Variants in RBM26 observed in about 807,000 individuals in gnomAD.
RBM26 encodes the protein RNA-binding protein 26.
In RBM26, 30 loss-of-function variants were observed where a neutral mutation model predicts 123.6. The ratio of observed to expected loss-of-function variants is 0.24; its 90% CI spans 0.18 to 0.33. The LOEUF (loss-of-function observed/expected upper bound fraction) is 0.33, where lower values mean the gene tolerates loss of function less well. Ranked by LOEUF, RBM26 falls within the 10% of genes least tolerant of loss-of-function variation. RBM26 has a pLI of 1.00. For synonymous variants in RBM26, 400 were observed against 404.4 expected, an observed-to-expected ratio of 0.99 and a Z score of 0.13; for missense variants, 947 against 1,203.6, an observed-to-expected ratio of 0.79 and a Z score of 3.15.
chr13:79,361,067 T>A (rs2074619709), intron 9 of RBM26, among the ~76,000 whole-genome samples: 1 of 152,162 alleles, frequency 6.6e-6, no homozygotes, highest in African/African-American at 2.4e-5. Context: ...ATTTTCAACT[T>A]CTTTGTTCTC....
intron 1 of RBM26, 65 bp downstream of exon 1, chr13:79,405,639 C>G (rs1254074814): frequency 4.1e-6 from 5 of 1,212,182 alleles, no homozygotes; most frequent in Non-Finnish European, 5.9e-6. Context: ...GGAAACTGCA[C>G]AGATCTCTGG....
At chr13:79,367,481 G>A (rs1449899218) in intron 6 of RBM26, among the ~76,000 whole-genome samples, 2 of 150,046 alleles carry the variant, frequency 1.3e-5, no homozygotes, top group African/African-American at 2.4e-5. Context: ...TGTTGGAGGT[G>A]GGGCCTGGTA....
intron 1 of RBM26, among the ~76,000 whole-genome samples, chr13:79,379,371 CAAAAAAAAAA>C (rs1160901778): frequency 2.4e-4 from 19 of 79,442 alleles, no homozygotes; most frequent in African/African-American, 6.0e-4. Flanking sequence ...CAGTCTCTAC[CAAAAAAAAAA>C]AAAAAAAAAA....
chr13:79,369,608 T>C (rs1359254219), intron 5 of RBM26, among the ~76,000 whole-genome samples: 3 of 152,102 alleles, frequency 2.0e-5, no homozygotes, highest in Non-Finnish European at 2.9e-5. Context: ...AGGCCATAAA[T>C]AGTATTAAGA....
rs2079494704 is a variant in RBM26 at position 79,405,939 on chromosome 13, G to C, written c.-165C>G. The stretch of plus-strand genomic sequence containing the variant: ...CCCCGGTCGGCGAACAGCTCTGCAA[G>C]GACCGCCGCAGGCCACAAGTGCACG... On this transcript the variant is annotated 5_prime_UTR_variant, in exon 1 of 22. Transcript: ENST00000438737. 1 of 345,160 alleles carries C rather than the reference G, an allele frequency of 2.9e-6. No individual in the cohort carries two copies. Among genetic ancestry groups the C allele is most frequent in the African/African-American group, 2.2e-5 (1 of 46,266 alleles). The allele number at this position is 345,160 out of a possible 1,614,324, so 21.4% of individuals were successfully genotyped here.
At chr13:79,399,650 G>A (rs2078895866) in intron 1 of RBM26, among the ~76,000 whole-genome samples, 1 of 152,116 alleles carries the variant, frequency 6.6e-6, no homozygotes, top group Non-Finnish European at 1.5e-5. Context: ...AAACAAGGCT[G>A]GGCATCCATG....
rs1452806298 is a variant in RBM26, at chr13:79,366,991, T to C, written c.896-119A>G. 3.6e-6 allele frequency: 3 copies of C among 822,208 alleles called. No homozygotes were observed. In the East Asian group the frequency reaches 8.6e-5, roughly 24 times the overall value. 50.9% of individuals were successfully genotyped at this position (822,208 alleles called of 1,614,324 possible). On this transcript the variant is annotated intron_variant, in intron 6 of 21. Coordinates refer to ENST00000438737, the MANE Select transcript of RBM26 (RefSeq NM_001366735.2). ...ATATTTTTAATATTGGACAAAAGTA[T>C]AATTAACCATTTCCCAAGAGCTACC...
intron 1 of RBM26, among the ~76,000 whole-genome samples, chr13:79,397,428 T>C (rs1456780639): frequency 2.6e-5 from 4 of 151,094 alleles, no homozygotes; most frequent in Non-Finnish European, 5.9e-5. Context: ...GAAATGAAGG[T>C]ATATTGGGAG....
At chr13:79,403,061 G>A (rs1463242375) in intron 1 of RBM26, among the ~76,000 whole-genome samples, 1 of 151,028 alleles carries the variant, frequency 6.6e-6, no homozygotes, top group Non-Finnish European at 1.5e-5. Flanking sequence ...CTCTCAAACA[G>A]AGGTCGTTTG....
intron 1 of RBM26, among the ~76,000 whole-genome samples, chr13:79,394,876 C>T (rs894217968): frequency 1.3e-5 from 2 of 152,188 alleles, no homozygotes; most frequent in African/African-American, 2.4e-5. Flanking sequence ...TCAGGTGATC[C>T]GTCCACCTTG....
chr13:79,322,446 G>A lies in RBM26; in HGVS notation c.2837C>T (p.Ala946Val). ...AEAEAAAVHG[A>V]RFKGQDLKLA... ...TTTTAGATCTTGCCCTTTGAAACGAGCTCCATGAACTGCAGCCTAAAATGA... is the reference window on the plus strand; with the variant it reads ...TTTTAGATCTTGCCCTTTGAAACGAACTCCATGAACTGCAGCCTAAAATGA... Residue 946 changes from alanine (A) to valine (V), a missense_variant, in exon 21 of 22, where the codon GCT (alanine) becomes GTT (valine). Ala to Val is a moderately conservative substitution (Grantham distance 64). Transcript: ENST00000438737. 1 of 1,567,550 alleles carries A rather than the reference G, an allele frequency of 6.4e-7. No homozygotes were observed. Among genetic ancestry groups the A allele is most frequent in the Non-Finnish European group, 8.6e-7 (1 of 1,162,316 alleles).
chr13:79,405,551 G>A, intron 1 of RBM26, 153 bp downstream of exon 1: 1 of 435,570 alleles, frequency 2.3e-6, no homozygotes, highest in Non-Finnish European at 4.0e-6. Flanking sequence ...GAATCTGGAA[G>A]CGAGGTGGAC....
chr13:79,366,880 G>A lies in RBM26; in HGVS notation c.896-8C>T. ...TCATACAAAAACCCTTTTCTATGAG[G>A]AAGGAATAGTTAGAAACAAATGTCA... On this transcript the variant is annotated splice_polypyrimidine_tract_variant and splice_region_variant and intron_variant, in intron 6 of 21. Coordinates refer to ENST00000438737, the MANE Select transcript of RBM26 (RefSeq NM_001366735.2). 16 of 1,580,018 alleles carry A rather than the reference G, an allele frequency of 1.0e-5. No individual in the cohort carries two copies. Among genetic ancestry groups the A allele is most frequent in the Non-Finnish European group, 1.4e-5 (16 of 1,159,016 alleles).
rs753815756 is a variant in RBM26, at chr13:79,344,785, T to G, written c.2068A>C (p.Thr690Pro). Reference protein sequence around the residue: ...SVSATEKVLSTSTGLTKTVYN... With the variant: ...SVSATEKVLSPSTGLTKTVYN... ...ACTGTTTTTGTTAGGCCAGTAGATG[T>G]AGACAACACCTACCAATACAAATTC... The change falls in exon 15 of 22, where the codon ACA becomes CCA. Residue 690 changes from threonine (T) to proline (P), a missense_variant. Transcript: ENST00000438737. The G allele has an allele frequency of 6.2e-7, 1 of 1,611,604 alleles. No individual in the cohort carries two copies. The highest frequency in any genetic ancestry group is 1.3e-5 in the African/African-American group (1 of 74,774).
intron 1 of RBM26, among the ~76,000 whole-genome samples, chr13:79,382,355 T>C (rs957491473): frequency 7.2e-5 from 11 of 152,154 alleles, no homozygotes; most frequent in African/African-American, 2.7e-4. Context: ...TAGACTTTTC[T>C]TTACCCCTGC....
intron 1 of RBM26, among the ~76,000 whole-genome samples, chr13:79,391,949 T>G (rs1454331159): frequency 6.8e-6 from 1 of 146,908 alleles, no homozygotes; most frequent in East Asian, 2.0e-4. Flanking sequence ...TTATATATTA[T>G]ACAAGAATAC....
intron 20 of RBM26, among the ~76,000 whole-genome samples, chr13:79,331,134 G>A (rs547516180): frequency 1.7e-4 from 26 of 152,030 alleles, no homozygotes; most frequent in Non-Finnish European, 2.4e-4. Context: ...CCTTAGCCTC[G>A]CAAACAGCTG....
rs1368349894 is a variant in RBM26 at position 79,319,216 on chromosome 13, A to AGCTTTTGATTGTGAGGACC, written c.*1386_*1404dup. The AGCTTTTGATTGTGAGGACC allele has an allele frequency of 1.0e-6, 1 of 984,488 alleles. No individual in the cohort carries two copies. The highest frequency in any genetic ancestry group is 1.2e-6 in the Non-Finnish European group (1 of 829,372). 61.0% of individuals were successfully genotyped at this position (984,488 alleles called of 1,614,324 possible). A position where few individuals can be genotyped will look rare whatever the true frequency, so the allele number is the denominator to read the frequency against. On this transcript the variant is annotated 3_prime_UTR_variant, in exon 22 of 22. Coordinates refer to ENST00000438737, the MANE Select transcript of RBM26 (RefSeq NM_001366735.2). ...AAGACTATGGTGGTGGTGGAACAAC[A>AGCTTTTGATTGTGAGGACC]GCTTTTGATTGTGAGGACCCCAATA...
Position 79,366,722 on chromosome 13 carries a change from G to C in RBM26, c.1046C>G (p.Pro349Arg), listed in dbSNP as rs1268750993. 6.2e-7 allele frequency: 1 copy of C among 1,612,778 alleles called. No homozygotes were observed. The highest frequency in any genetic ancestry group is 1.7e-5 in the Admixed American group (1 of 59,888). The change falls in exon 7 of 22, where the codon CCT (proline) becomes CGT (arginine). Residue 349 changes from proline to arginine, a missense_variant. Pro to Arg is a moderately radical substitution (Grantham distance 103, BLOSUM62 -2). Coordinates refer to ENST00000438737, the MANE Select transcript of RBM26 (RefSeq NM_001366735.2). ...EGPPPPGLPP[P>R]PPILTPPPVN... The stretch of plus-strand genomic sequence containing the variant: ...AGGTGGGGGTGTAAGAATTGGTGGA[G>C]GTGGGGGGAGTCCAGGAGGAGGTGG...
Sources: allele counts gnomAD v4.1 joint callset (sites outside exome capture counted in the v4.1 genomes callset), GRCh38; gene constraint gnomAD v4.1.1; transcripts MANE v1.5; gene names NCBI Gene and HGNC (gene_info 2026-07-23, HGNC 2026-07-21).